KLHL32: variants seen among roughly 807,000 people sequenced by gnomAD.
KLHL32 encodes the protein kelch like family member 32.
Under a neutral mutation model 64.8 loss-of-function variants are expected in KLHL32, and 35 were observed. The ratio of observed to expected loss-of-function variants is 0.54; its 90% CI spans 0.41 to 0.72. The LOEUF is 0.72. KLHL32 is among the 30% of genes least tolerant of loss of function. The pLI, the probability that KLHL32 is intolerant of heterozygous loss-of-function variation, is 0.00. For missense variants in KLHL32, 589 were observed against 768.5 expected (o/e 0.77, Z 2.76); for synonymous variants, 259 against 281.0 (o/e 0.92, Z 0.78).
chr6:97,047,325 T>A (rs528290776), intron 4 of KLHL32, among the ~76,000 whole-genome samples: 3 of 152,280 alleles, frequency 2.0e-5, no homozygotes, highest in Admixed American at 2.0e-4. Context: ...GAATAGACCT[T>A]GGGATGCAGT....
intron 4 of KLHL32, among the ~76,000 whole-genome samples, chr6:97,048,137 A>G (rs1786221271): frequency 6.6e-6 from 1 of 152,204 alleles, no homozygotes; most frequent in African/African-American, 2.4e-5. Flanking sequence ...AAGAGGTTCC[A>G]GAAACCCAGT....
At chr6:96,954,453 T>C in intron 1 of KLHL32, among the ~76,000 whole-genome samples, 1 of 152,042 alleles carries the variant, frequency 6.6e-6, no homozygotes, top group Non-Finnish European at 1.5e-5. Flanking sequence ...TATGCAGCGA[T>C]TACCCCATAA....
At chr6:96,933,982 G>A (rs982124) in intron 1 of KLHL32, among the ~76,000 whole-genome samples, 10,016 of 152,256 alleles carry the variant, frequency 0.066, 400 homozygotes, top group Middle Eastern at 0.14. Context: ...CTGTGCCTAA[G>A]TCTCCTGTAT....
At chr6:96,981,973 A>C (rs1179161494) in intron 3 of KLHL32, among the ~76,000 whole-genome samples, 1 of 152,030 alleles carries the variant, frequency 6.6e-6, no homozygotes, top group African/African-American at 2.4e-5. Flanking sequence ...TGGCTAATTG[A>C]GTCATCAATT....
Position 97,139,322 on chromosome 6 carries a change from G to T in KLHL32, c.*40G>T. 6.4e-7 allele frequency: 1 copy of T among 1,558,556 alleles called. No individual in the cohort carries two copies. The highest frequency in any genetic ancestry group is 1.2e-5 in the South Asian group (1 of 86,214). On this transcript the variant is annotated 3_prime_UTR_variant, in exon 11 of 11. Transcript: ENST00000369261. ...ATGAACAGGAGGAAAACATAGCTCT[G>T]ACTGTTGGATACTGGGCATGAAAAG...
At chr6:97,131,720 C>T (rs1206814381) in intron 9 of KLHL32, among the ~76,000 whole-genome samples, 3 of 152,126 alleles carry the variant, frequency 2.0e-5, no homozygotes, top group Non-Finnish European at 4.4e-5. Context: ...GCTGAGTGGG[C>T]ACTCAATCCC....
upstream of KLHL32, among the ~76,000 whole-genome samples, chr6:96,920,571 T>TAC (rs141229379): frequency 8.3e-3 from 1,242 of 150,068 alleles, 13 homozygotes; most frequent in Middle Eastern, 0.014. Context: ...CACACACAAT[T>TAC]ACACACACAC....
intron 3 of KLHL32, chr6:97,024,942 T>C: frequency 2.1e-6 from 2 of 952,392 alleles, no homozygotes; most frequent in Non-Finnish European, 2.5e-6. Flanking sequence ...ATTATAACTT[T>C]TATGCTGTTT....
intron 6 of KLHL32, among the ~76,000 whole-genome samples, chr6:97,089,738 C>T (rs1194136049): frequency 6.6e-6 from 1 of 150,874 alleles, no homozygotes; most frequent in East Asian, 1.9e-4. Flanking sequence ...GGAGATTGCG[C>T]CACTACACTC....
chr6:96,941,443 A>G (rs1771275986), intron 1 of KLHL32, among the ~76,000 whole-genome samples: 1 of 152,194 alleles, frequency 6.6e-6, no homozygotes, highest in Non-Finnish European at 1.5e-5. Flanking sequence ...TGTTATTCCC[A>G]TTAAGAATTA....
chr6:96,956,034 G>A (rs993834377), intron 1 of KLHL32, among the ~76,000 whole-genome samples: 1 of 152,148 alleles, frequency 6.6e-6, no homozygotes, highest in Non-Finnish European at 1.5e-5. Flanking sequence ...GGCTGGTGAG[G>A]CCTCACAATC....
chr6:97,015,936 C>G (rs902222637), intron 3 of KLHL32, among the ~76,000 whole-genome samples: 1 of 152,176 alleles, frequency 6.6e-6, no homozygotes, highest in Non-Finnish European at 1.5e-5. Context: ...TCAGAGGGCA[C>G]AAGCTCCAAG....
the KLHL32 span, among the ~76,000 whole-genome samples, chr6:96,899,320 G>A: frequency 6.6e-6 from 1 of 151,910 alleles, no homozygotes; most frequent in Non-Finnish European, 1.5e-5. Flanking sequence ...TTTTAGGCAC[G>A]GTATTTCTAT....
chr6:97,027,161 CAA>C (rs59057028), intron 3 of KLHL32, among the ~76,000 whole-genome samples: 4,376 of 110,612 alleles, frequency 0.04, 211 homozygotes, highest in African/African-American at 0.12. Context: ...GATTCCCTCT[CAA>C]AAAAAAAAAA....
chr6:96,957,966 A>G (rs542789827), intron 1 of KLHL32, among the ~76,000 whole-genome samples: 2 of 152,216 alleles, frequency 1.3e-5, no homozygotes, highest in Non-Finnish European at 2.9e-5. Flanking sequence ...TTGTACTTTT[A>G]CTTTATCTGC....
At chr6:97,057,373 G>A (rs1282910061) in intron 4 of KLHL32, among the ~76,000 whole-genome samples, 13 of 114,202 alleles carry the variant, frequency 1.1e-4, no homozygotes, top group African/African-American at 5.3e-4. Context: ...TAGTAGAGAC[G>A]GGGTTTCACT....
At chr6:96,948,918 T>C (rs1423676966) in intron 1 of KLHL32, among the ~76,000 whole-genome samples, 1 of 152,234 alleles carries the variant, frequency 6.6e-6, no homozygotes, top group Admixed American at 6.5e-5. Context: ...CAAACATTTC[T>C]GAAATTACAA....
chr6:97,007,680 C>A (rs1182239267), intron 3 of KLHL32, among the ~76,000 whole-genome samples: 1 of 151,996 alleles, frequency 6.6e-6, no homozygotes, highest in Admixed American at 6.6e-5. Flanking sequence ...TCTTTGATAC[C>A]CTTGGGAGTT....
At chr6:97,054,716 CAG>C (rs1248053746) in intron 4 of KLHL32, among the ~76,000 whole-genome samples, 1 of 152,160 alleles carries the variant, frequency 6.6e-6, no homozygotes, top group Non-Finnish European at 1.5e-5. Context: ...ATTGAATAGA[CAG>C]ATATAGCACC....
Sources: allele counts gnomAD v4.1 joint callset (sites outside exome capture counted in the v4.1 genomes callset), GRCh38; gene constraint gnomAD v4.1.1; transcripts MANE v1.5; gene names NCBI Gene and HGNC (gene_info 2026-07-23, HGNC 2026-07-21).